Variants in CHRM3 observed in about 807,000 individuals in gnomAD.
The protein encoded by CHRM3 is cholinergic receptor muscarinic 3, also known as muscarinic acetylcholine receptor M3.
Under a neutral mutation model 41.8 loss-of-function variants are expected in CHRM3, and 11 were observed. The observed-to-expected ratio is 0.26, with a 90% CI of 0.17 to 0.44. The LOEUF is 0.44. CHRM3 is among the 20% of genes least tolerant of loss of function. The probability of loss-of-function intolerance (pLI) is 1.00; values close to 1 mark genes in which losing one functional copy is unlikely to be tolerated. For missense variants in CHRM3, 571 were observed against 745.4 expected (o/e 0.77, Z 2.72); for synonymous variants, 297 against 301.4 (o/e 0.99, Z 0.15).
intron 2 of CHRM3, among the ~76,000 whole-genome samples, chr1:239,519,741 CTTTTTTTT>C (rs386370161): frequency 0.023 from 1,941 of 85,056 alleles, 20 homozygotes; most frequent in Admixed American, 0.032. Flanking sequence ...AAAACTAGTT[CTTTTTTTT>C]TTTTTTTTTT....
At chr1:239,823,631 A>G (rs1442546021) in intron 5 of CHRM3, among the ~76,000 whole-genome samples, 2 of 152,112 alleles carry the variant, frequency 1.3e-5, no homozygotes, top group Non-Finnish European at 2.9e-5. Context: ...AATGCACTGA[A>G]ATCATCCTTC....
intron 4 of CHRM3, among the ~76,000 whole-genome samples, chr1:239,667,170 G>A (rs1254322417): frequency 2.0e-5 from 3 of 152,080 alleles, no homozygotes; most frequent in Non-Finnish European, 4.4e-5. Flanking sequence ...AGCTGAGCAA[G>A]CCACCTTCAC....
At chr1:239,461,659 C>A (rs1043482179) in intron 1 of CHRM3, among the ~76,000 whole-genome samples, 1 of 152,048 alleles carries the variant, frequency 6.6e-6, no homozygotes, top group Non-Finnish European at 1.5e-5. Flanking sequence ...GGTGGTCTCT[C>A]TGGTTGATTT....
intron 3 of CHRM3, among the ~76,000 whole-genome samples, chr1:239,574,079 G>T (rs1382314865): frequency 2.6e-5 from 4 of 152,100 alleles, no homozygotes; most frequent in Non-Finnish European, 5.9e-5. Context: ...TGGCAATTGA[G>T]GGTTAGTCTT....
chr1:239,678,554 G>T (rs894683175), intron 5 of CHRM3, among the ~76,000 whole-genome samples: 1 of 152,092 alleles, frequency 6.6e-6, no homozygotes, highest in African/African-American at 2.4e-5. Context: ...ACACTTATAT[G>T]GTTCTGAAAA....
At chr1:239,699,537 C>T (rs1325588775) in intron 5 of CHRM3, among the ~76,000 whole-genome samples, 1 of 152,162 alleles carries the variant, frequency 6.6e-6, no homozygotes, top group African/African-American at 2.4e-5. Context: ...ACTTCCCAGA[C>T]TCGAGCCATG....
intron 3 of CHRM3, among the ~76,000 whole-genome samples, chr1:239,551,707 C>T (rs1253885228): frequency 6.6e-6 from 1 of 152,120 alleles, no homozygotes; most frequent in Non-Finnish European, 1.5e-5. Context: ...ACATGACGCC[C>T]ATCTTTGTTG....
chr1:239,768,095 A>G (rs1180602108), intron 5 of CHRM3, among the ~76,000 whole-genome samples: 1 of 152,226 alleles, frequency 6.6e-6, no homozygotes, highest in African/African-American at 2.4e-5. Context: ...AATAGGAAAG[A>G]CTGAGCAAAA....
At chr1:239,435,566 G>A (rs1663190450) in intron 1 of CHRM3, among the ~76,000 whole-genome samples, 1 of 151,988 alleles carries the variant, frequency 6.6e-6, no homozygotes. Flanking sequence ...AAATGCCTGG[G>A]CTTGCAGTTT....
intron 5 of CHRM3, among the ~76,000 whole-genome samples, chr1:239,800,905 A>AT (rs34305932): frequency 1.3e-5 from 2 of 151,762 alleles, no homozygotes; most frequent in African/African-American, 4.8e-5. Context: ...AATGTAAGGG[A>AT]TTTTTTTTTT....
intron 5 of CHRM3, among the ~76,000 whole-genome samples, chr1:239,754,652 C>T (rs1319899396): frequency 6.6e-6 from 1 of 152,146 alleles, no homozygotes; most frequent in East Asian, 1.9e-4. Flanking sequence ...TCTGAAGGTC[C>T]TGCTTTAGAG....
chr1:239,682,383 A>G (rs1041526388), intron 5 of CHRM3, among the ~76,000 whole-genome samples: 11 of 152,350 alleles, frequency 7.2e-5, no homozygotes, highest in Non-Finnish European at 1.5e-4. Flanking sequence ...AATGTAAAGC[A>G]CCATTTTTTT....
At chr1:239,649,297 G>A (rs187463883) in intron 4 of CHRM3, among the ~76,000 whole-genome samples, 9 of 152,218 alleles carry the variant, frequency 5.9e-5, no homozygotes, top group Non-Finnish European at 1.2e-4. Flanking sequence ...AGCAGAAAGC[G>A]AGTCCTCACC....
intron 5 of CHRM3, among the ~76,000 whole-genome samples, chr1:239,796,987 T>C (rs774082776): frequency 6.6e-6 from 1 of 152,200 alleles, no homozygotes; most frequent in Non-Finnish European, 1.5e-5. Flanking sequence ...TACACTGATA[T>C]GTTTTGCATC....
chr1:239,747,238 G>A (rs956905585), intron 5 of CHRM3, among the ~76,000 whole-genome samples: 1 of 152,122 alleles, frequency 6.6e-6, no homozygotes. Flanking sequence ...CAATAAATAT[G>A]ATTCATTACA....
At chr1:239,502,060 A>G (rs1668277364) in intron 2 of CHRM3, among the ~76,000 whole-genome samples, 1 of 152,144 alleles carries the variant, frequency 6.6e-6, no homozygotes, top group African/African-American at 2.4e-5. Context: ...CAGCAGAAGA[A>G]AGGAAACAAC....
chr1:239,913,173 TTTGAAA>T lies in CHRM3; in HGVS notation c.*3952_*3957del. ...AAATTTGGAAGGTAACCAAGGAAGC[TTTGAAA>T]TTTGTTGGCAAACCCGGAGTAGTAT... On this transcript the variant is annotated 3_prime_UTR_variant, in exon 7 of 7. Coordinates refer to ENST00000676153, the MANE Select transcript of CHRM3 (RefSeq NM_001375978.1). 1 of 167,226 alleles carries T rather than the reference TTTGAAA, an allele frequency of 6.0e-6. No homozygotes were observed. Among genetic ancestry groups the T allele is most frequent in the Non-Finnish European group, 1.5e-5 (1 of 68,108 alleles). 10.4% of individuals were successfully genotyped at this position (167,226 alleles called of 1,614,324 possible).
chr1:239,420,424 C>G (rs1426345937), intron 1 of CHRM3, among the ~76,000 whole-genome samples: 1 of 152,110 alleles, frequency 6.6e-6, no homozygotes, highest in Non-Finnish European at 1.5e-5. Context: ...CTGATTCCAC[C>G]TAGGAAATTT....
chr1:239,760,215 G>A (rs930997310), intron 5 of CHRM3, among the ~76,000 whole-genome samples: 3 of 151,694 alleles, frequency 2.0e-5, no homozygotes, highest in South Asian at 2.1e-4. Context: ...GTGAGCCACC[G>A]TGCCCGGCCA....
Sources: allele counts gnomAD v4.1 joint callset (sites outside exome capture counted in the v4.1 genomes callset), GRCh38; gene constraint gnomAD v4.1.1; transcripts MANE v1.5; gene names NCBI Gene and HGNC (gene_info 2026-07-23, HGNC 2026-07-21).